PNPLA7: variants seen among roughly 807,000 people sequenced by gnomAD.
PNPLA7 encodes the protein patatin like domain 7, lysophospholipase.
In PNPLA7, 153 loss-of-function variants were observed where a neutral mutation model predicts 161.7. The ratio of observed to expected loss-of-function variants is 0.95; its 90% CI spans 0.83 to 1.08. The LOEUF is 1.08. PNPLA7 is among the 50% of genes least tolerant of loss of function. PNPLA7 has a pLI of 0.00. For missense variants in PNPLA7, 1,739 were observed against 1,856.6 expected, an observed-to-expected ratio of 0.94 and a Z score of 1.16; for synonymous variants, 809 against 782.1, an observed-to-expected ratio of 1.03 and a Z score of -0.57.
chr9:137,460,855 G>A (rs933287607), intron 33 of PNPLA7, 118 bp from the exon 34 acceptor site: 89 of 920,180 alleles, frequency 9.7e-5, no homozygotes, highest in Non-Finnish European at 1.1e-4. Flanking sequence ...AAGGTGGCCC[G>A]GGGCCCTACA....
At chr9:137,536,514 G>A (rs1486347845) in intron 8 of PNPLA7, among the ~76,000 whole-genome samples, 1 of 152,132 alleles carries the variant, frequency 6.6e-6, no homozygotes, top group East Asian at 1.9e-4. Context: ...TCACCAAGAG[G>A]CCAAAAATAA....
At position 137,460,256 on chromosome 9, in the gene PNPLA7, C is replaced by A; in HGVS notation, c.*137G>T. The A allele has an allele frequency of 1.3e-6, 1 of 795,612 alleles. No homozygotes were observed. The highest frequency in any genetic ancestry group is 2.0e-6 in the Non-Finnish European group (1 of 504,904). 49.3% of individuals were successfully genotyped at this position (795,612 alleles called of 1,614,324 possible). Reference sequence around the variant, plus strand: ...GTACAAAGAAGAGGCCCAGAGAACCCTAACACAGCCTGGGGCCCCGGGGAA... The same window carrying A: ...GTACAAAGAAGAGGCCCAGAGAACCATAACACAGCCTGGGGCCCCGGGGAA... On this transcript the variant is annotated 3_prime_UTR_variant, in exon 35 of 35. Coordinates refer to ENST00000406427, the MANE Select transcript of PNPLA7 (RefSeq NM_001098537.3).
At chr9:137,511,693 G>A (rs1426234279) in intron 12 of PNPLA7, among the ~76,000 whole-genome samples, 2 of 152,214 alleles carry the variant, frequency 1.3e-5, no homozygotes, top group African/African-American at 2.4e-5. Context: ...AGGCTTCAAC[G>A]TCTCCCTGTG....
At chr9:137,531,086 C>T (rs1835558803) in intron 8 of PNPLA7, among the ~76,000 whole-genome samples, 1 of 152,104 alleles carries the variant, frequency 6.6e-6, no homozygotes, top group Admixed American at 6.6e-5. Flanking sequence ...TTATGTAGAG[C>T]AAGTTCCTCC....
rs1373509995 is a variant in PNPLA7, at chr9:137,506,072, T to C, written c.1237A>G (p.Ser413Gly). ...DPSAPQGGPGSATSDLGMACD... is the reference protein window; with the variant it reads ...DPSAPQGGPGGATSDLGMACD... ...GCCATCCCCAGATCAGAAGTGGCAC[T>C]GCCTGGGCCCCCTACACACAGAGGG... Residue 413 changes from serine to glycine, a missense_variant, in exon 13 of 35, where the codon AGT becomes GGT. Ser to Gly is a moderately conservative substitution (Grantham distance 56, BLOSUM62 0). Coordinates refer to ENST00000406427, the MANE Select transcript of PNPLA7 (RefSeq NM_001098537.3). 1.4e-5 allele frequency: 23 copies of C among 1,612,158 alleles called. No individual in the cohort carries two copies. The highest frequency in any genetic ancestry group is 2.0e-5 in the Non-Finnish European group (23 of 1,179,434).
At chr9:137,546,586 G>C (rs908564139) in intron 4 of PNPLA7, among the ~76,000 whole-genome samples, 2 of 152,192 alleles carry the variant, frequency 1.3e-5, no homozygotes, top group African/African-American at 4.8e-5. Context: ...GTAGAGGCCT[G>C]AGAGGGTGAG....
rs376938196 is a variant in PNPLA7 at position 137,480,974 on chromosome 9, G to A, written c.2397C>T (p.Ser799=). The A allele has an allele frequency of 3.1e-4, 476 of 1,551,586 alleles. 1 individual carries two copies. The highest frequency in any genetic ancestry group is 1.2e-3 in the Admixed American group (61 of 51,006). ...TSDNIKRRLG[S]AALDSVHEYR... ...GCGGCACGCACCTGTCCAGGGCAGC[G>A]GAGCCAAGGCGCCGTTTTATGTTGT... is the stretch of plus-strand genomic sequence containing the variant. The change falls in exon 22 of 35, where the codon TCC becomes TCT. Residue 799 remains serine, a synonymous_variant. Transcript: ENST00000406427.
rs1475803231 is a variant in PNPLA7, at chr9:137,529,680, C to T, written c.748-6823G>A. ...TGTTTTTTTTTTTTTTTTTTTGAGA[C>T]GGAGTTTCACTCTACCACCCAGGCT... On this transcript the variant is annotated intron_variant, in intron 8 of 34. Transcript: ENST00000406427. 3.8e-5 allele frequency among the ~76,000 whole-genome samples: 5 copies of T among 130,794 alleles called. 1 individual carries two copies. In the East Asian group the frequency reaches 6.8e-4, roughly 18 times the overall value. The allele number at this position is 130,794 out of a possible 152,430, so 85.8% of individuals were successfully genotyped here. A position where few individuals can be genotyped will look rare whatever the true frequency, so the allele number is the denominator to read the frequency against.
chr9:137,538,042 C>T (rs933385791), intron 8 of PNPLA7, among the ~76,000 whole-genome samples: 3 of 152,190 alleles, frequency 2.0e-5, no homozygotes, highest in Admixed American at 6.5e-5. Flanking sequence ...AAGCCCACCT[C>T]AGCTCCAGAG....
rs1836122398 is a variant in PNPLA7 at position 137,540,275 on chromosome 9, C to G, written c.747+367G>C. On this transcript the variant is annotated intron_variant, in intron 8 of 34. Coordinates refer to ENST00000406427, the MANE Select transcript of PNPLA7 (RefSeq NM_001098537.3). This position sits in a 1 kb window ranked among gnomAD's most constrained non-coding sequence, Gnocchi z 5.1. ...GCAGGGAAGAGCCCAGCAGGACCTGCAGGAAACGGGGGTGGCTGGTCCCTC... is the reference window on the plus strand; with the variant it reads ...GCAGGGAAGAGCCCAGCAGGACCTGGAGGAAACGGGGGTGGCTGGTCCCTC... Among the ~76,000 whole-genome samples the G allele has an allele frequency of 6.6e-6, 1 of 152,194 alleles. No homozygotes were observed. The highest frequency in any genetic ancestry group is 2.1e-4 in the South Asian group (1 of 4,830).
chr9:137,547,580 A>T lies in PNPLA7; in HGVS notation c.105+5T>A. 6.2e-7 allele frequency: 1 copy of T among 1,613,242 alleles called. No individual in the cohort carries two copies. ...TCTGGCTCCAGGGAAGCGTGAGGTG[A>T]TTACCATGGTGGACGGTGAACCTTC... On this transcript the variant is annotated splice_donor_5th_base_variant and intron_variant, in intron 2 of 34. Transcript: ENST00000406427. This position sits in a 1 kb window ranked among gnomAD's most constrained non-coding sequence, Gnocchi z 4.6.
At chr9:137,528,372 G>C (rs952761477) in intron 8 of PNPLA7, among the ~76,000 whole-genome samples, 1 of 152,118 alleles carries the variant, frequency 6.6e-6, no homozygotes, top group Non-Finnish European at 1.5e-5. Context: ...TATGAGCATT[G>C]CCCAGGCTGG....
intron 25 of PNPLA7, among the ~76,000 whole-genome samples, chr9:137,472,845 C>T (rs1171166423): frequency 2.0e-5 from 3 of 151,334 alleles, no homozygotes; most frequent in Admixed American, 2.0e-4. Flanking sequence ...ATCCTAGCTA[C>T]TCAGGAGGCT....
In PNPLA7 at chr9:137,498,246, C is replaced by A. The variant is rs1352073812; in HGVS notation, c.1758-1G>T. On this transcript the variant is annotated splice_acceptor_variant, in intron 16 of 34. Coordinates refer to ENST00000406427, the MANE Select transcript of PNPLA7 (RefSeq NM_001098537.3). LOFTEE classifies it high-confidence loss of function. The stretch of plus-strand genomic sequence containing the variant: ...GACGGTCGGCTGCTTCCGCATGATT[C>A]TGCCGGGCAGCCCAGAGTCAATCCT... 6.2e-7 allele frequency: 1 copy of A among 1,610,272 alleles called. No individual in the cohort carries two copies.
In PNPLA7 at chr9:137,460,333, C is replaced by T. The variant is rs1183370678; in HGVS notation, c.*60G>A. The T allele has an allele frequency of 6.5e-7, 1 of 1,527,358 alleles. No homozygotes were observed. The highest frequency in any genetic ancestry group is 2.4e-5 in the East Asian group (1 of 42,256). The allele number at this position is 1,527,358 out of a possible 1,614,324, so 94.6% of individuals were successfully genotyped here. ...AGAGGCCCCTAGGACTTGGCAGGAG[C>T]CTCAGCCTTGGGGACAGTCCCACGG... On this transcript the variant is annotated 3_prime_UTR_variant, in exon 35 of 35. Transcript: ENST00000406427.
At chr9:137,475,715 G>A (rs1831920067) in intron 25 of PNPLA7, among the ~76,000 whole-genome samples, 1 of 151,844 alleles carries the variant, frequency 6.6e-6, no homozygotes, top group African/African-American at 2.4e-5. Context: ...TCTCCTACGA[G>A]GTTCCAGAAG....
chr9:137,511,220 C>A (rs1364680737), intron 12 of PNPLA7, among the ~76,000 whole-genome samples: 2 of 150,592 alleles, frequency 1.3e-5, no homozygotes, highest in Non-Finnish European at 3.0e-5. Context: ...CTTGGTCTGG[C>A]GGTAGCGCCA....
chr9:137,546,961 T>A (rs1321442917), intron 3 of PNPLA7, 52 bp from the exon 4 acceptor site: 1 of 1,545,678 alleles, frequency 6.5e-7, no homozygotes, highest in African/African-American at 1.4e-5. Flanking sequence ...ACAGGCCTGG[T>A]CCTGGACATG....
intron 12 of PNPLA7, among the ~76,000 whole-genome samples, chr9:137,514,989 G>A (rs1000750906): frequency 9.8e-5 from 15 of 152,330 alleles, no homozygotes; most frequent in African/African-American, 2.6e-4. Flanking sequence ...TCCCTGCGGG[G>A]AGGCACACGT....
Sources: gnomAD v4.1 joint callset for allele counts (sites outside exome capture counted in the v4.1 genomes callset) on GRCh38, gnomAD v4.1.1 for gene constraint, Gnocchi (gnomAD v3.1) non-coding constraint, MANE v1.5 for transcripts, NCBI Gene and HGNC (gene_info 2026-07-23, HGNC 2026-07-21) for gene names.